Variants in PLD1 observed in about 807,000 individuals in gnomAD.
PLD1 encodes the protein phospholipase D1.
Under a neutral mutation model 137.1 loss-of-function variants are expected in PLD1, and 112 were observed. That is an observed-to-expected ratio of 0.82 (90% CI 0.70 to 0.96). The LOEUF (loss-of-function observed/expected upper bound fraction) is 0.96. PLD1 is among the 40% of genes least tolerant of loss of function. PLD1 has a pLI of 0.00. For missense variants in PLD1, 1,321 were observed against 1,342.0 expected, an observed-to-expected ratio of 0.98 and a Z score of 0.24; for synonymous variants, 431 against 454.7, an observed-to-expected ratio of 0.95 and a Z score of 0.66.
intron 1 of PLD1, among the ~76,000 whole-genome samples, chr3:171,807,248 T>C (rs116838208): frequency 0.015 from 2,218 of 152,102 alleles, 57 homozygotes; most frequent in African/African-American, 0.051. Flanking sequence ...GTCAAGGCTG[T>C]TGTGCCACTA....
At chr3:171,689,095 T>C (rs1015920345) in intron 13 of PLD1, among the ~76,000 whole-genome samples, 5 of 151,884 alleles carry the variant, frequency 3.3e-5, no homozygotes, top group Admixed American at 6.6e-5. Context: ...CACGCCCATA[T>C]ACTATATTTT....
chr3:171,623,630 C>T (rs1053063795), intron 23 of PLD1, among the ~76,000 whole-genome samples: 1 of 151,592 alleles, frequency 6.6e-6, no homozygotes, highest in East Asian at 1.9e-4. Context: ...CCAGCCCTAT[C>T]AGATATTAAC....
intron 19 of PLD1, 124 bp from the exon 20 acceptor site, chr3:171,662,294 T>C (rs367675179): frequency 9.7e-6 from 6 of 616,020 alleles, no homozygotes; most frequent in East Asian, 5.5e-5. Flanking sequence ...TTGAGTGTCA[T>C]GTGTGAACCA....
intron 10 of PLD1, among the ~76,000 whole-genome samples, chr3:171,709,056 C>T (rs555086646): frequency 2.0e-5 from 3 of 152,264 alleles, no homozygotes; most frequent in Non-Finnish European, 2.9e-5. Context: ...TTTTTCTCTG[C>T]TTAGAGAACA....
intron 1 of PLD1, among the ~76,000 whole-genome samples, chr3:171,782,934 G>T (rs1430137020): frequency 6.6e-6 from 1 of 152,184 alleles, no homozygotes; most frequent in Non-Finnish European, 1.5e-5. Context: ...AACAGATGGG[G>T]TCCACTGGGG....
chr3:171,605,348 T>C lies in PLD1; in HGVS notation c.2951A>G (p.Lys984Arg), dbSNP rs776008713. 3.7e-6 allele frequency: 6 copies of C among 1,613,870 alleles called. No homozygotes were observed. The South Asian group carries it at 5.5e-5, about 15-fold the overall frequency. Residue 984 changes from lysine to arginine, a missense_variant, in exon 26 of 27, where the codon AAG (lysine) becomes AGG (arginine). Transcript: ENST00000351298. ...AGCTGCTGTTGAAACCCACACCTCC[T>C]TGAAGAATTTGTCACTCACTGGATC... ...IQDPVSDKFFKEVWVSTAARN... is the reference protein window; with the variant it reads ...IQDPVSDKFFREVWVSTAARN...
At chr3:171,755,930 T>C (rs1310469787) in intron 1 of PLD1, among the ~76,000 whole-genome samples, 2 of 152,222 alleles carry the variant, frequency 1.3e-5, no homozygotes, top group Non-Finnish European at 2.9e-5. Context: ...CCTCTTCCTA[T>C]GTTTTCTTCT....
At chr3:171,735,836 A>G (rs1001827453) in intron 3 of PLD1, among the ~76,000 whole-genome samples, 199 bp from the exon 4 acceptor site, 3 of 152,236 alleles carry the variant, frequency 2.0e-5, no homozygotes, top group African/African-American at 7.2e-5. Context: ...TTGATGAATT[A>G]CATAAGACAA....
intron 1 of PLD1, among the ~76,000 whole-genome samples, chr3:171,794,818 C>T (rs1723363967): frequency 6.6e-6 from 1 of 152,090 alleles, no homozygotes; most frequent in South Asian, 2.1e-4. Flanking sequence ...GTTCTTTCAT[C>T]AATTGTAACC....
At chr3:171,746,448 C>T (rs1013523505) in intron 1 of PLD1, among the ~76,000 whole-genome samples, 2 of 152,130 alleles carry the variant, frequency 1.3e-5, no homozygotes, top group African/African-American at 4.8e-5. Flanking sequence ...CCAATCAGTG[C>T]TCTGTGTCCA....
intron 25 of PLD1, chr3:171,611,772 T>G (rs1732676976): frequency 2.5e-6 from 1 of 397,116 alleles, no homozygotes; most frequent in Non-Finnish European, 5.0e-6. Context: ...GGGTTTGACC[T>G]GGTCTAGTCC....
chr3:171,803,665 G>A (rs942287366), intron 1 of PLD1, among the ~76,000 whole-genome samples: 5 of 152,104 alleles, frequency 3.3e-5, no homozygotes, highest in Middle Eastern at 3.2e-3. Flanking sequence ...CCTGGGAGGC[G>A]GAAGTTGCAG....
At position 171,708,338 on chromosome 3, in the gene PLD1, C is replaced by T. The variant is rs1413886291; in HGVS notation, c.1145+417G>A. ...CTAGTCATTACAGAGGATATTTTTA[C>T]GGTAACAGGCAAGTGGAACTATTTC... On this transcript the variant is annotated intron_variant, in intron 11 of 26. Transcript: ENST00000351298. 2.6e-5 allele frequency among the ~76,000 whole-genome samples: 4 copies of T among 152,206 alleles called. No homozygotes were observed. The East Asian group carries it at 5.8e-4, about 22-fold the overall frequency.
chr3:171,615,326 G>T (rs920387489), intron 24 of PLD1, among the ~76,000 whole-genome samples: 1 of 152,200 alleles, frequency 6.6e-6, no homozygotes. Flanking sequence ...TTGTTTATAT[G>T]ACCTGTTCTG....
intron 1 of PLD1, among the ~76,000 whole-genome samples, chr3:171,780,575 C>T (rs570719504): frequency 1.1e-4 from 17 of 152,018 alleles, no homozygotes; most frequent in Admixed American, 2.0e-4. Context: ...AGTAGGAAAC[C>T]CAGGAGAGTG....
At chr3:171,696,540 A>C (rs1479158337) in intron 12 of PLD1, among the ~76,000 whole-genome samples, 1 of 152,242 alleles carries the variant, frequency 6.6e-6, no homozygotes, top group Non-Finnish European at 1.5e-5. Context: ...CAGATAGAAG[A>C]AAATAAAACA....
intron 23 of PLD1, among the ~76,000 whole-genome samples, chr3:171,625,264 C>G (rs1422936734): frequency 1.3e-5 from 2 of 152,216 alleles, no homozygotes; most frequent in African/African-American, 4.8e-5. Flanking sequence ...GCACAGCAGT[C>G]TGAGATCAAA....
chr3:171,620,743 T>TCTCTAC (rs1733538781), intron 23 of PLD1, among the ~76,000 whole-genome samples: 1 of 28,712 alleles, frequency 3.5e-5, no homozygotes, highest in Non-Finnish European at 8.3e-5. Context: ...TCTCTCTCTC[T>TCTCTAC]ATATATATAT....
intron 19 of PLD1, among the ~76,000 whole-genome samples, chr3:171,670,109 A>C (rs1217327542): frequency 6.6e-6 from 1 of 152,208 alleles, no homozygotes; most frequent in East Asian, 1.9e-4. Flanking sequence ...TAGAAACTAG[A>C]AGCTGGGAAG....
Sources: allele counts gnomAD v4.1 joint callset (sites outside exome capture counted in the v4.1 genomes callset), GRCh38; gene constraint gnomAD v4.1.1; transcripts MANE v1.5; gene names NCBI Gene and HGNC (gene_info 2026-07-23, HGNC 2026-07-21).